The following BAZ2B variants were observed in gnomAD, a reference collection of about 807,000 sequenced individuals.
The protein encoded by BAZ2B is bromodomain adjacent to zinc finger domain protein 2B.
Under a neutral mutation model 246.0 loss-of-function variants are expected in BAZ2B, and 91 were observed. That is an observed-to-expected ratio of 0.37 (90% CI 0.31 to 0.44). The LOEUF is 0.44. BAZ2B is among the 20% of genes least tolerant of loss of function. The pLI, the probability that BAZ2B is intolerant of heterozygous loss-of-function variation, is 1.00. For synonymous variants in BAZ2B, 855 were observed against 860.0 expected, an observed-to-expected ratio of 0.99 and a Z score of 0.10; for missense variants, 2,332 against 2,533.7, an observed-to-expected ratio of 0.92 and a Z score of 1.71.
chr2:159,373,301 G>T, intron 26 of BAZ2B, 112 bp from the exon 27 acceptor site: 1 of 928,130 alleles, frequency 1.1e-6, no homozygotes, highest in Non-Finnish European at 1.5e-6. Context: ...TTTCACTACT[G>T]GGAAAAGAGC....
chr2:159,428,284 G>A (rs754170403), intron 12 of BAZ2B, 27 bp downstream of exon 12: 1 of 1,544,330 alleles, frequency 6.5e-7, no homozygotes, highest in South Asian at 1.1e-5. Context: ...GGCACCAAAT[G>A]TACATTATTT....
chr2:159,640,788 A>C, the BAZ2B span, among the ~76,000 whole-genome samples: 1 of 152,060 alleles, frequency 6.6e-6, no homozygotes, highest in Non-Finnish European at 1.5e-5. Flanking sequence ...ATCTTAAAGA[A>C]CTGGAAAAGC....
intron 3 of BAZ2B, among the ~76,000 whole-genome samples, chr2:159,465,362 T>A (rs1577354635): frequency 6.6e-6 from 1 of 152,198 alleles, no homozygotes; most frequent in East Asian, 1.9e-4. Flanking sequence ...CTAAGTAAGG[T>A]CACATTCTGA....
the BAZ2B span, among the ~76,000 whole-genome samples, chr2:159,622,412 C>A: frequency 1.3e-5 from 2 of 151,674 alleles, no homozygotes; most frequent in East Asian, 3.9e-4. Flanking sequence ...TATACAAGTA[C>A]TAAAAAAAAT....
chr2:159,467,416 C>A (rs573958255), intron 3 of BAZ2B, among the ~76,000 whole-genome samples: 1 of 152,224 alleles, frequency 6.6e-6, no homozygotes, highest in Non-Finnish European at 1.5e-5. Context: ...CTCAGACGGG[C>A]CTTTCCCCCC....
chr2:159,709,180 G>A, the BAZ2B span, among the ~76,000 whole-genome samples: 7 of 151,692 alleles, frequency 4.6e-5, no homozygotes, highest in Non-Finnish European at 8.8e-5. Flanking sequence ...TTGGCCAGGC[G>A]CGGTGGCTAA....
At position 159,590,592 on chromosome 2, in the gene BAZ2B, A is replaced by AAAAT. The variant is rs137935771; in HGVS notation, c.-46+25646_-46+25649dup. ...AGGAGAAAGAACAAAACTCCGACTC[A>AAAAT]AAATAAATAAATAAATAAATAGATA... is the stretch of plus-strand genomic sequence containing the variant. On this transcript the variant is annotated intron_variant, in intron 1 of 36. Transcript: ENST00000392783. Among the ~76,000 whole-genome samples, 358 of 151,126 alleles carry AAAAT rather than the reference A, an allele frequency of 2.4e-3. 1 individual carries two copies. The highest frequency in any genetic ancestry group is 4.0e-3 in the Non-Finnish European group (269 of 67,822).
intron 31 of BAZ2B, among the ~76,000 whole-genome samples, chr2:159,339,395 C>G (rs1438498580): frequency 2.0e-5 from 3 of 152,192 alleles, no homozygotes; most frequent in Non-Finnish European, 4.4e-5. Context: ...TCTCTACCCT[C>G]ATTCTGCCAG....
intron 2 of BAZ2B, among the ~76,000 whole-genome samples, chr2:159,494,824 G>C (rs1264704477): frequency 6.6e-6 from 1 of 152,170 alleles, no homozygotes; most frequent in East Asian, 1.9e-4. Context: ...ACACCATGAA[G>C]CATGCTAGGC....
intron 23 of BAZ2B, among the ~76,000 whole-genome samples, chr2:159,384,463 C>T (rs963999280): frequency 6.6e-5 from 10 of 151,782 alleles, no homozygotes; most frequent in African/African-American, 1.5e-4. Context: ...TGCATGACCC[C>T]GAATATTTGG....
chr2:159,620,972 A>G (rs1333437157), upstream of BAZ2B, among the ~76,000 whole-genome samples: 1 of 152,220 alleles, frequency 6.6e-6, no homozygotes, highest in African/African-American at 2.4e-5. Context: ...ATGATGGTAG[A>G]GACAGTGGCA....
At chr2:159,440,134 C>T (rs12475515) in intron 6 of BAZ2B, among the ~76,000 whole-genome samples, 50,290 of 151,926 alleles carry the variant, frequency 0.33, 9,892 homozygotes, top group Non-Finnish European at 0.47. Context: ...TGAAAATATT[C>T]ATAATTATTT....
chr2:159,411,796 G>C (rs2066879825), intron 14 of BAZ2B: 1 of 262,818 alleles, frequency 3.8e-6, no homozygotes, highest in Non-Finnish European at 5.9e-6. Context: ...GATAATTTCT[G>C]GTTATCTTAA....
At chr2:159,440,756 G>A (rs1042572296) in intron 6 of BAZ2B, among the ~76,000 whole-genome samples, 2 of 151,894 alleles carry the variant, frequency 1.3e-5, no homozygotes, top group Admixed American at 6.6e-5. Flanking sequence ...TGATGCACCC[G>A]CCTCGGCCTC....
rs147130248 is a variant in BAZ2B, at chr2:159,393,158, T to C, written c.3075+2611A>G. On this transcript the variant is annotated intron_variant, in intron 20 of 36. Coordinates refer to ENST00000392783, the MANE Select transcript of BAZ2B (RefSeq NM_013450.4). ...TGCATAAGGGACAAATTGTATGAAG[T>C]AAAACTGGAGTGAGAGGCAGAGGTC... is the stretch of plus-strand genomic sequence containing the variant. 4.4e-3 allele frequency among the ~76,000 whole-genome samples: 665 copies of C among 152,114 alleles called. 5 individuals carry two copies. Among genetic ancestry groups the C allele is most frequent in the African/African-American group, 0.015 (624 of 41,490 alleles).
rs1032632214 is a variant in BAZ2B, at chr2:159,453,752, C to T, written c.195G>A (p.Val65=). ...AGDQPFNLST[V]SSAFPMVSHP... ...GGCTGACCATTGGGAAGGCACTCGA[C>T]ACTGTGGACAGGTTAAACGGTTGAT... is the stretch of plus-strand genomic sequence containing the variant. Residue 65 remains valine, a synonymous_variant, in exon 4 of 37, where the codon GTG becomes GTA. Transcript: ENST00000392783. 2.5e-6 allele frequency: 4 copies of T among 1,612,884 alleles called. No individual in the cohort carries two copies. The highest frequency in any genetic ancestry group is 1.3e-5 in the African/African-American group (1 of 74,836).
downstream of BAZ2B, among the ~76,000 whole-genome samples, chr2:159,318,493 T>C (rs1399951467): frequency 1.3e-5 from 2 of 152,224 alleles, no homozygotes; most frequent in Non-Finnish European, 2.9e-5. Flanking sequence ...GTGGACATTA[T>C]CTAAGGCCCA....
At chr2:159,396,524 G>A (rs1428289791) in intron 19 of BAZ2B, 1 of 152,142 alleles carries the variant, frequency 6.6e-6, no homozygotes, top group Non-Finnish European at 1.5e-5. Flanking sequence ...TAAAGGCACA[G>A]TATGAAAATA....
chr2:159,606,922 A>ATTTTT (rs5835752), intron 1 of BAZ2B, among the ~76,000 whole-genome samples: 10 of 139,048 alleles, frequency 7.2e-5, no homozygotes, highest in African/African-American at 1.9e-4. Flanking sequence ...TGGGATTTCT[A>ATTTTT]TTTTTTTTTT....
Sources: allele counts gnomAD v4.1 joint callset (sites outside exome capture counted in the v4.1 genomes callset), GRCh38; gene constraint gnomAD v4.1.1; transcripts MANE v1.5; gene names NCBI Gene and HGNC (gene_info 2026-07-23, HGNC 2026-07-21).